The following CACNG3 variants were observed in gnomAD, a reference collection of about 807,000 sequenced individuals.
CACNG3 encodes the protein calcium voltage-gated channel auxiliary subunit gamma 3.
CACNG3 carries 3 observed loss-of-function variants against 28.5 expected under a neutral mutation model. The observed-to-expected ratio is 0.11, with a 90% CI of 0.05 to 0.27. The LOEUF is 0.27. Among genes scored for constraint, CACNG3 ranks in the 10% least tolerant of loss-of-function variants. The pLI, the probability that CACNG3 is intolerant of heterozygous loss-of-function variation, is 1.00. For missense variants in CACNG3, 236 were observed against 414.4 expected (o/e 0.57, Z 3.74); for synonymous variants, 174 against 162.2 (o/e 1.07, Z -0.55).
intron 1 of CACNG3, 73 bp from the exon 2 acceptor site, chr16:24,346,661 C>T (rs556129837): frequency 2.1e-5 from 19 of 912,082 alleles, no homozygotes; most frequent in African/African-American, 1.5e-4. Context: ...CTGCACATAG[C>T]GGTGAGGACC....
At chr16:24,276,057 C>T (rs9922364) in intron 1 of CACNG3, among the ~76,000 whole-genome samples, 63,947 of 152,022 alleles carry the variant, frequency 0.42, 13,798 homozygotes, top group East Asian at 0.58. Flanking sequence ...AAATACTGCT[C>T]TATTTGTCAA....
intron 1 of CACNG3, among the ~76,000 whole-genome samples, chr16:24,320,401 G>A (rs1370651429): frequency 2.0e-5 from 3 of 152,190 alleles, no homozygotes; most frequent in Non-Finnish European, 4.4e-5. Context: ...GTCAGCTCAG[G>A]TCAGATTTTG....
intron 1 of CACNG3, among the ~76,000 whole-genome samples, chr16:24,317,885 G>T (rs1899408171): frequency 6.6e-6 from 1 of 152,116 alleles, no homozygotes; most frequent in Non-Finnish European, 1.5e-5. Flanking sequence ...AAGATGGGGT[G>T]ATGAGAGGTG....
chr16:24,351,698 G>GAGAA (rs150921428), intron 2 of CACNG3, among the ~76,000 whole-genome samples: 26 of 135,576 alleles, frequency 1.9e-4, no homozygotes, highest in East Asian at 6.9e-4. Flanking sequence ...AAGAAAGAAA[G>GAGAA]AGAAAGAAAG....
chr16:24,304,834 T>C (rs145281177), intron 1 of CACNG3, among the ~76,000 whole-genome samples: 40 of 152,276 alleles, frequency 2.6e-4, no homozygotes, highest in African/African-American at 9.4e-4. Flanking sequence ...AGTGCTGGGA[T>C]TACAGGCATG....
At chr16:24,345,246 C>T (rs1282142179) in intron 1 of CACNG3, among the ~76,000 whole-genome samples, 1 of 152,166 alleles carries the variant, frequency 6.6e-6, no homozygotes, top group Non-Finnish European at 1.5e-5. Flanking sequence ...ATCACAATGC[C>T]CGCCCCCCTG....
At chr16:24,258,713 T>G (rs1160565472) in intron 1 of CACNG3, among the ~76,000 whole-genome samples, 1 of 152,182 alleles carries the variant, frequency 6.6e-6, no homozygotes, top group African/African-American at 2.4e-5. Context: ...ATTTGGTGGA[T>G]GTTGCGATAT....
intron 1 of CACNG3, among the ~76,000 whole-genome samples, chr16:24,270,350 C>G (rs747813836): frequency 7.9e-5 from 12 of 152,116 alleles, no homozygotes; most frequent in Non-Finnish European, 2.9e-5. Flanking sequence ...ATTAGCTTAA[C>G]GTGCCCTAAA....
intron 1 of CACNG3, among the ~76,000 whole-genome samples, chr16:24,322,099 T>C (rs1899468939): frequency 6.6e-6 from 1 of 152,074 alleles, no homozygotes; most frequent in South Asian, 2.1e-4. Context: ...TGGGGGAACC[T>C]GAATTGGAAA....
chr16:24,303,531 T>C (rs1435750223), intron 1 of CACNG3, among the ~76,000 whole-genome samples: 1 of 152,070 alleles, frequency 6.6e-6, no homozygotes, highest in Non-Finnish European at 1.5e-5. Context: ...GAATCTTCCT[T>C]TACTACTCCC....
chr16:24,328,917 C>G (rs1393696895), intron 1 of CACNG3, among the ~76,000 whole-genome samples: 1 of 152,230 alleles, frequency 6.6e-6, no homozygotes, highest in African/African-American at 2.4e-5. Flanking sequence ...ATCACATACA[C>G]ACATACACCC....
At chr16:24,346,964 A>T in intron 2 of CACNG3, 147 bp downstream of exon 2, 1 of 632,206 alleles carries the variant, frequency 1.6e-6, no homozygotes, top group Non-Finnish European at 2.8e-6. Flanking sequence ...ACACAGAGAC[A>T]CTCAAGTGGT....
chr16:24,331,814 G>C (rs1037589538), intron 1 of CACNG3, among the ~76,000 whole-genome samples: 10 of 152,114 alleles, frequency 6.6e-5, no homozygotes, highest in African/African-American at 2.4e-4. Context: ...CTTGGCACTT[G>C]CAGTTTCCTC....
chr16:24,283,630 T>C (rs1274011578), intron 1 of CACNG3, among the ~76,000 whole-genome samples: 1 of 152,232 alleles, frequency 6.6e-6, no homozygotes, highest in Non-Finnish European at 1.5e-5. Context: ...CTGCAAATAA[T>C]AGGTGGAATA....
chr16:24,320,434 G>A (rs1421914079), intron 1 of CACNG3, among the ~76,000 whole-genome samples: 1 of 152,166 alleles, frequency 6.6e-6, no homozygotes, highest in Non-Finnish European at 1.5e-5. Context: ...TCCATGTGAT[G>A]ACCTCACAGT....
At chr16:24,352,852 T>C (rs547511513) in intron 2 of CACNG3, among the ~76,000 whole-genome samples, 8 of 152,298 alleles carry the variant, frequency 5.3e-5, no homozygotes, top group African/African-American at 1.9e-4. Flanking sequence ...GCCTGGATTC[T>C]TGTGGTTCTA....
intron 1 of CACNG3, among the ~76,000 whole-genome samples, chr16:24,341,805 G>A (rs1189945122): frequency 1.1e-4 from 16 of 152,250 alleles, no homozygotes. Flanking sequence ...GAGCCAGGTG[G>A]GGACTTTGGC....
intron 1 of CACNG3, among the ~76,000 whole-genome samples, chr16:24,343,737 G>A (rs780762985): frequency 1.8e-4 from 27 of 152,110 alleles, no homozygotes; most frequent in Non-Finnish European, 3.1e-4. Context: ...TGAGTAAATC[G>A]GTGACTTGGC....
At chr16:24,273,723 C>G (rs1003515789) in intron 1 of CACNG3, among the ~76,000 whole-genome samples, 5 of 152,110 alleles carry the variant, frequency 3.3e-5, no homozygotes, top group African/African-American at 1.2e-4. Flanking sequence ...GAAAAATGTC[C>G]AAATGGAGTT....
Sources: gnomAD v4.1 joint callset for allele counts (sites outside exome capture counted in the v4.1 genomes callset) on GRCh38, gnomAD v4.1.1 for gene constraint, MANE v1.5 for transcripts, NCBI Gene and HGNC (gene_info 2026-07-23, HGNC 2026-07-21) for gene names.